Variants in CCDC40 observed in about 807,000 individuals in gnomAD.
The protein encoded by CCDC40 is coiled-coil domain 40 molecular ruler complex subunit.
In CCDC40, 104 loss-of-function variants were observed where a neutral mutation model predicts 124.5. That is an observed-to-expected ratio of 0.84 (90% CI 0.71 to 0.98). The LOEUF (loss-of-function observed/expected upper bound fraction) is 0.98, where lower values mean the gene tolerates loss of function less well. CCDC40 is among the 50% of genes least tolerant of loss of function. CCDC40 has a pLI of 0.00. For missense variants in CCDC40, 1,463 were observed against 1,503.9 expected (o/e 0.97, Z 0.45); for synonymous variants, 580 against 602.9 (o/e 0.96, Z 0.56).
rs62075573 is a variant in CCDC40 at position 80,090,381 on chromosome 17, A to G, written c.2832+497A>G. 3.5e-3 allele frequency: 3,938 copies of G among 1,113,518 alleles called. 564 individuals carry two copies. Among genetic ancestry groups the G allele is most frequent in the Non-Finnish European group, 4.3e-3 (3,394 of 782,676 alleles). 69.0% of individuals were successfully genotyped at this position (1,113,518 alleles called of 1,614,324 possible). ...GCAGGCACGTGCACGAACACAGGAC[A>G]CACACAGCACGTGCATGAACAACAC... is the stretch of plus-strand genomic sequence containing the variant. On this transcript the variant is annotated intron_variant, in intron 17 of 19. Coordinates refer to ENST00000397545, the MANE Select transcript of CCDC40 (RefSeq NM_017950.4).
chr17:80,100,592 C>G lies in CCDC40; in HGVS notation c.*817C>G, dbSNP rs908595597. 1 of 151,624 alleles carries G rather than the reference C, an allele frequency of 6.6e-6. No individual in the cohort carries two copies. Among genetic ancestry groups the G allele is most frequent in the Non-Finnish European group, 1.5e-5 (1 of 67,936 alleles). 9.4% of individuals were successfully genotyped at this position (151,624 alleles called of 1,614,324 possible). ...AAACATTTCAGCAGAAGAATAAAAT[C>G]TTTTTTCTGAATATCTAGTAAGCCT... On this transcript the variant is annotated 3_prime_UTR_variant, in exon 20 of 20. Coordinates refer to ENST00000397545, the MANE Select transcript of CCDC40 (RefSeq NM_017950.4).
rs757919180 is a variant in CCDC40 at position 80,089,820 on chromosome 17, C to T, written c.2768C>T (p.Ser923Leu). ...CAACTGGCAAAAGAGATGCGTTCCT[C>T]AGTGGATTCCGAGATCGGCCAGACG... is the stretch of plus-strand genomic sequence containing the variant. ...KIQLAKEMRSSVDSEIGQTEI... is the reference protein window; with the variant it reads ...KIQLAKEMRSLVDSEIGQTEI... The change falls in exon 17 of 20, where the codon TCA becomes TTA. Residue 923 changes from serine (S) to leucine (L), a missense_variant. By Grantham distance (145) the Ser-to-Leu change is moderately radical (BLOSUM62 -2). Transcript: ENST00000397545. The T allele has an allele frequency of 6.2e-7, 1 of 1,614,278 alleles. No individual in the cohort carries two copies. Among genetic ancestry groups the T allele is most frequent in the Non-Finnish European group, 8.5e-7 (1 of 1,180,040 alleles).
Position 80,055,995 on chromosome 17 carries a change from TA to T in CCDC40, c.1160-2498del, listed in dbSNP as rs1568682494. On this transcript the variant is annotated intron_variant, in intron 7 of 19. Transcript: ENST00000397545. The stretch of plus-strand genomic sequence containing the variant: ...TGGCTAATTTTCATATATATATATA[TA>T]TATATATATATATATATATATTTTT... Among the ~76,000 whole-genome samples the T allele has an allele frequency of 3.3e-3, 36 of 10,760 alleles. 2 individuals carry two copies. Among genetic ancestry groups the T allele is most frequent in the Non-Finnish European group, 6.0e-3 (20 of 3,338 alleles). The allele number at this position is 10,760 out of a possible 152,430, so 7.1% of individuals were successfully genotyped here.
chr17:80,050,296 G>A lies in CCDC40; in HGVS notation c.1159+13G>A, dbSNP rs528518378. The A allele has an allele frequency of 3.4e-5, 53 of 1,547,764 alleles. No homozygotes were observed. The highest frequency in any genetic ancestry group is 9.8e-5 in the Admixed American group (5 of 51,140). On this transcript the variant is annotated intron_variant, in intron 7 of 19. Transcript: ENST00000397545. The stretch of plus-strand genomic sequence containing the variant: ...GAGCGCAAAAAGTGTAAGGCAACCC[G>A]GCAGCCCCACACGCCATCCGGTCCT...
chr17:80,065,397 T>C (rs2038016199), intron 9 of CCDC40, 88 bp from the exon 10 acceptor site: 1 of 1,550,990 alleles, frequency 6.4e-7, no homozygotes, highest in Non-Finnish European at 8.9e-7. Context: ...AAGAGGAAGA[T>C]TTGGGAATGT....
At chr17:80,062,461 C>A (rs536175697) in intron 9 of CCDC40, among the ~76,000 whole-genome samples, 1 of 139,328 alleles carries the variant, frequency 7.2e-6, no homozygotes, top group Non-Finnish European at 1.5e-5. Flanking sequence ...CCCCTCCCCC[C>A]ACCCCACAAC....
intron 7 of CCDC40, among the ~76,000 whole-genome samples, chr17:80,051,832 G>A (rs181900405): frequency 4.6e-5 from 7 of 152,238 alleles, no homozygotes; most frequent in South Asian, 4.1e-4. Context: ...GGCTGGAGCC[G>A]TGGAGCTGGT....
At chr17:80,082,514 C>T (rs117028828) in intron 12 of CCDC40, among the ~76,000 whole-genome samples, 2,264 of 152,230 alleles carry the variant, frequency 0.015, 59 homozygotes, top group Admixed American at 0.065. Context: ...CAAGCAGGCC[C>T]CTTTGGAGGA....
Position 80,087,486 on chromosome 17 carries a change from A to T in CCDC40, c.2450-121A>T. On this transcript the variant is annotated intron_variant, in intron 14 of 19. Transcript: ENST00000397545. The surrounding 1 kb of genome is among the most constrained non-coding windows in gnomAD (Gnocchi z 4.5). ...AGGAGCGCCAGGAACGACAAGAGGG[A>T]GGGGATGAAGGGAGCTACAGGGAGA... The T allele has an allele frequency of 1.3e-6, 1 of 750,930 alleles. No individual in the cohort carries two copies. Among genetic ancestry groups the T allele is most frequent in the Non-Finnish European group, 2.4e-6 (1 of 419,034 alleles). The allele number at this position is 750,930 out of a possible 1,614,324, so 46.5% of individuals were successfully genotyped here. A position where few individuals can be genotyped will look rare whatever the true frequency, so the allele number is the denominator to read the frequency against.
intron 10 of CCDC40, among the ~76,000 whole-genome samples, chr17:80,069,357 G>A (rs2038131728): frequency 6.6e-6 from 1 of 152,168 alleles, no homozygotes; most frequent in Non-Finnish European, 1.5e-5. Context: ...TTTTCTTGCT[G>A]TCTTCCCTAT....
intron 16 of CCDC40, among the ~76,000 whole-genome samples, chr17:80,088,782 G>A (rs781587809): frequency 9.9e-5 from 15 of 152,188 alleles, no homozygotes; most frequent in Admixed American, 1.3e-4. Flanking sequence ...ACTCCAGCCT[G>A]GGCGACAGAG....
At position 80,100,545 on chromosome 17, in the gene CCDC40, T is replaced by C. The variant is rs1408019309; in HGVS notation, c.*770T>C. 1 of 152,032 alleles carries C rather than the reference T, an allele frequency of 6.6e-6. No homozygotes were observed. The highest frequency in any genetic ancestry group is 2.4e-5 in the African/African-American group (1 of 41,352). The allele number at this position is 152,032 out of a possible 1,614,324, so 9.4% of individuals were successfully genotyped here. A position where few individuals can be genotyped will look rare whatever the true frequency, so the allele number is the denominator to read the frequency against. ...TCTTTGCAGTTTAAAGGGAAAATGC[T>C]CTACAAAATAATTTCACTTTCAAAC... is the stretch of plus-strand genomic sequence containing the variant. On this transcript the variant is annotated 3_prime_UTR_variant, in exon 20 of 20. Coordinates refer to ENST00000397545, the MANE Select transcript of CCDC40 (RefSeq NM_017950.4).
intron 1 of CCDC40, among the ~76,000 whole-genome samples, chr17:80,037,276 A>G (rs1014250160): frequency 6.6e-6 from 1 of 152,218 alleles, no homozygotes; most frequent in African/African-American, 2.4e-5. Flanking sequence ...GAGCGCGCAC[A>G]GGGAGGGCGG....
At chr17:80,038,042 T>C (rs1213244852) in intron 1 of CCDC40, 81 bp from the exon 2 acceptor site, 4 of 871,514 alleles carry the variant, frequency 4.6e-6, no homozygotes, top group Non-Finnish European at 7.7e-6. Context: ...AATAAACAGA[T>C]GTGCAGAATT....
chr17:80,073,613 T>C (rs933283715), intron 10 of CCDC40, among the ~76,000 whole-genome samples: 1 of 152,172 alleles, frequency 6.6e-6, no homozygotes, highest in Non-Finnish European at 1.5e-5. Flanking sequence ...CTCCCTATTC[T>C]CCAAGACTCA....
At chr17:80,082,774 C>T (rs2038487830) in intron 12 of CCDC40, among the ~76,000 whole-genome samples, 1 of 152,144 alleles carries the variant, frequency 6.6e-6, no homozygotes, top group Admixed American at 6.5e-5. Context: ...GGCCCCCGGG[C>T]CCCCGCCGAG....
In CCDC40 at chr17:80,084,659, C is replaced by A. The variant is rs947969600; in HGVS notation, c.1990-84C>A. The A allele has an allele frequency of 1.8e-5, 28 of 1,527,716 alleles. No homozygotes were observed. In the Middle Eastern group the frequency reaches 7.0e-4, roughly 38 times the overall value. 94.6% of individuals were successfully genotyped at this position (1,527,716 alleles called of 1,614,324 possible). A position where few individuals can be genotyped will look rare whatever the true frequency, so the allele number is the denominator to read the frequency against. On this transcript the variant is annotated intron_variant, in intron 12 of 19. Transcript: ENST00000397545. The stretch of plus-strand genomic sequence containing the variant: ...GAATATCTCCAGAGGAACATCCCGA[C>A]CGTCAGGGAACGGTGGATCAGCAAA...
In CCDC40 at chr17:80,056,003, TA is replaced by T. The variant is rs1162943228; in HGVS notation, c.1160-2490del. Among the ~76,000 whole-genome samples, 174 of 23,434 alleles carry T rather than the reference TA, an allele frequency of 7.4e-3. 7 individuals are homozygous for T. Among genetic ancestry groups the T allele is most frequent in the Non-Finnish European group, 0.013 (138 of 10,516 alleles). 15.4% of individuals were successfully genotyped at this position (23,434 alleles called of 152,430 possible). On this transcript the variant is annotated intron_variant, in intron 7 of 19. Coordinates refer to ENST00000397545, the MANE Select transcript of CCDC40 (RefSeq NM_017950.4). Reference sequence around the variant, plus strand: ...TTTCATATATATATATATATATATATATATATATATATATTTTTTTTTTTTT... The same window carrying T: ...TTTCATATATATATATATATATATATTATATATATATATTTTTTTTTTTTT...
Position 80,099,883 on chromosome 17 carries a change from CA to C in CCDC40, c.*109del. 1 of 1,242,352 alleles carries C rather than the reference CA, an allele frequency of 8.0e-7. No homozygotes were observed. The highest frequency in any genetic ancestry group is 1.1e-6 in the Non-Finnish European group (1 of 877,544). The allele number at this position is 1,242,352 out of a possible 1,614,324, so 77.0% of individuals were successfully genotyped here. On this transcript the variant is annotated 3_prime_UTR_variant, in exon 20 of 20. Transcript: ENST00000397545. The stretch of plus-strand genomic sequence containing the variant: ...TGTTCCTAAAAACCACATGTACCCT[CA>C]GAAGGGCATCGTTTAAGAGAAATAA...
Sources: allele counts gnomAD v4.1 joint callset (sites outside exome capture counted in the v4.1 genomes callset), GRCh38; gene constraint gnomAD v4.1.1; non-coding constraint Gnocchi (gnomAD v3.1); transcripts MANE v1.5; gene names NCBI Gene and HGNC (gene_info 2026-07-23, HGNC 2026-07-21).